Variants in CDH13 observed in about 807,000 individuals in gnomAD.
CDH13 encodes the protein cadherin-13.
In CDH13, 24 loss-of-function variants were observed where a neutral mutation model predicts 63.8. That is an observed-to-expected ratio of 0.38 (90% CI 0.27 to 0.53). CDH13 has a LOEUF of 0.53. Among genes scored for constraint, CDH13 ranks in the 20% least tolerant of loss-of-function variants. The pLI is 0.85. For synonymous variants in CDH13, 503 were observed against 355.3 expected (o/e 1.42, Z -4.67); for missense variants, 1,049 against 903.1 (o/e 1.16, Z -2.07).
In CDH13 at chr16:83,254,954, TC is replaced by T. The variant is rs1906045558; in HGVS notation, c.636+37458del. On this transcript the variant is annotated intron_variant, in intron 5 of 13. Transcript: ENST00000567109. Reference sequence around the variant, plus strand: ...TTCTTGGATTTTTTCTTTTTCTCTTTCTTTCTTTCTTTCTTTCTTTCTTTCT... The same window carrying T: ...TTCTTGGATTTTTTCTTTTTCTCTTTTTTCTTTCTTTCTTTCTTTCTTTCT... 3.6e-3 allele frequency among the ~76,000 whole-genome samples: 6 copies of T among 1,678 alleles called. No individual in the cohort carries two copies. In the South Asian group the frequency reaches 0.18, roughly 49 times the overall value. 1.1% of individuals were successfully genotyped at this position (1,678 alleles called of 152,430 possible). A position where few individuals can be genotyped will look rare whatever the true frequency, so the allele number is the denominator to read the frequency against.
chr16:83,603,458 C>G (rs926466849), intron 8 of CDH13, among the ~76,000 whole-genome samples: 1 of 152,176 alleles, frequency 6.6e-6, no homozygotes, highest in African/African-American at 2.4e-5. Flanking sequence ...TACTGTGATG[C>G]TCAGAGAATC....
At chr16:83,242,185 A>C (rs1452319357) in intron 5 of CDH13, among the ~76,000 whole-genome samples, 1 of 152,174 alleles carries the variant, frequency 6.6e-6, no homozygotes, top group Non-Finnish European at 1.5e-5. Context: ...TCATTGAGCT[A>C]GATATTTGTC....
chr16:83,305,717 A>G (rs780206537), intron 5 of CDH13, among the ~76,000 whole-genome samples: 5 of 152,114 alleles, frequency 3.3e-5, no homozygotes, highest in Non-Finnish European at 5.9e-5. Context: ...GGGGCAAATG[A>G]TGTTCCATTT....
At chr16:82,828,715 C>G (rs894447589) in intron 1 of CDH13, among the ~76,000 whole-genome samples, 9 of 151,800 alleles carry the variant, frequency 5.9e-5, no homozygotes, top group Non-Finnish European at 1.0e-4. Context: ...TATACACACA[C>G]ACATTCAAAG....
chr16:83,539,661 T>C (rs978271946), intron 7 of CDH13, among the ~76,000 whole-genome samples: 1 of 152,234 alleles, frequency 6.6e-6, no homozygotes, highest in African/African-American at 2.4e-5. Flanking sequence ...TTTCTACGTG[T>C]CACTCATGGA....
At chr16:82,831,274 A>T (rs1205236947) in intron 1 of CDH13, among the ~76,000 whole-genome samples, 1 of 152,192 alleles carries the variant, frequency 6.6e-6, no homozygotes, top group Non-Finnish European at 1.5e-5. Flanking sequence ...CAGAAACCCC[A>T]GGCCGAAACC....
chr16:83,360,003 G>C (rs1046944588), intron 6 of CDH13, among the ~76,000 whole-genome samples: 6 of 152,106 alleles, frequency 3.9e-5, no homozygotes, highest in African/African-American at 1.4e-4. Context: ...TGCCTTGCTG[G>C]GCATTTCATA....
chr16:83,789,574 C>T (rs182516195), intron 13 of CDH13, among the ~76,000 whole-genome samples: 1 of 152,102 alleles, frequency 6.6e-6, no homozygotes, highest in African/African-American at 2.4e-5. Context: ...GTCTGAAACT[C>T]CTGACCTCAA....
At chr16:82,670,087 C>G (rs1405868140) in intron 1 of CDH13, among the ~76,000 whole-genome samples, 1 of 152,180 alleles carries the variant, frequency 6.6e-6, no homozygotes, top group East Asian at 1.9e-4. Flanking sequence ...GAGATTCTGC[C>G]GGGGTTTCTT....
chr16:82,725,080 A>G (rs189780724), intron 1 of CDH13, among the ~76,000 whole-genome samples: 25 of 152,168 alleles, frequency 1.6e-4, no homozygotes, highest in East Asian at 1.2e-3. Context: ...GGTCATGGTG[A>G]TGGTGATGAT....
At chr16:82,952,125 A>G (rs556127186) in intron 2 of CDH13, among the ~76,000 whole-genome samples, 1 of 152,318 alleles carries the variant, frequency 6.6e-6, no homozygotes, top group Admixed American at 6.5e-5. Context: ...CACTCAGACA[A>G]CGTGACTCCT....
At chr16:83,482,879 T>G (rs1421579117) in intron 6 of CDH13, among the ~76,000 whole-genome samples, 1 of 152,220 alleles carries the variant, frequency 6.6e-6, no homozygotes, top group Non-Finnish European at 1.5e-5. Context: ...TTGTCCCACA[T>G]TCTTTGGACA....
At chr16:83,126,714 C>G (rs535225226) in intron 4 of CDH13, among the ~76,000 whole-genome samples, 21 of 152,142 alleles carry the variant, frequency 1.4e-4, no homozygotes, top group African/African-American at 5.1e-4. Flanking sequence ...CATTGGTGAG[C>G]CTGGAATTCG....
intron 1 of CDH13, among the ~76,000 whole-genome samples, chr16:82,787,840 A>ACGTGTGTGTGTGTGTGTGTGTGTGTG (rs2036092118): frequency 1.0e-4 from 1 of 9,698 alleles, no homozygotes; most frequent in South Asian, 3.1e-3. Flanking sequence ...TGAAGGGAGG[A>ACGTGTGTGTGTGTGTGTGTGTGTGTG]AGTGTGTGTG....
intron 6 of CDH13, among the ~76,000 whole-genome samples, chr16:83,466,449 A>C (rs1447748756): frequency 1.3e-5 from 2 of 152,222 alleles, no homozygotes; most frequent in Non-Finnish European, 2.9e-5. Context: ...CCTATGATCC[A>C]CTGTCAGCAG....
At chr16:82,981,916 C>G (rs942423197) in intron 2 of CDH13, among the ~76,000 whole-genome samples, 12 of 152,162 alleles carry the variant, frequency 7.9e-5, no homozygotes. Context: ...CTACCCCAGC[C>G]TTGAAATAGG....
chr16:83,027,097 G>A (rs1915877253), intron 2 of CDH13, among the ~76,000 whole-genome samples: 2 of 141,506 alleles, frequency 1.4e-5, no homozygotes, highest in South Asian at 2.3e-4. Context: ...CAGCACAGAA[G>A]GGAGACCCCC....
Position 83,193,823 on chromosome 16 carries a change from T to A in CDH13, c.484-23522T>A, listed in dbSNP as rs535458292. Among the ~76,000 whole-genome samples the A allele has an allele frequency of 2.6e-5, 4 of 152,330 alleles. No homozygotes were observed. In the East Asian group the frequency reaches 7.7e-4, roughly 29 times the overall value. On this transcript the variant is annotated intron_variant, in intron 4 of 13. Transcript: ENST00000567109. ...AAAAAATCATTCCACCTATTTAGTG[T>A]TCTGCTTCCTTCTCTGTGAATAGGG...
At position 82,750,545 on chromosome 16, in the gene CDH13, A is replaced by G. The variant is rs137929124; in HGVS notation, c.46-107817A>G. ...CAGACTAATGATCTGACATAGACTG[A>G]AGAAGGTTCCAAGGACTTTTCTGAA... On this transcript the variant is annotated intron_variant, in intron 1 of 13. Transcript: ENST00000567109. Among the ~76,000 whole-genome samples the G allele has an allele frequency of 1.2e-3, 189 of 152,358 alleles. 1 individual carries two copies. Among genetic ancestry groups the G allele is most frequent in the African/African-American group, 4.4e-3 (185 of 41,584 alleles).
Sources: allele counts gnomAD v4.1 joint callset (sites outside exome capture counted in the v4.1 genomes callset), GRCh38; gene constraint gnomAD v4.1.1; transcripts MANE v1.5; gene names NCBI Gene and HGNC (gene_info 2026-07-23, HGNC 2026-07-21).